Variants in CCL28 observed in about 807,000 individuals in gnomAD.
CCL28 encodes C-C motif chemokine 28.
A neutral mutation model predicts 7.1 loss-of-function variants in CCL28; 4 were observed. The ratio of observed to expected loss-of-function variants is 0.56; its 90% CI spans 0.28 to 1.29. CCL28 has a LOEUF of 1.29. CCL28 is among the 50% of genes most tolerant of loss of function. The probability of loss-of-function intolerance (pLI) is 0.11; values close to 1 mark genes in which losing one functional copy is unlikely to be tolerated. For missense variants in CCL28, 151 were observed against 163.4 expected (o/e 0.92, Z 0.41); for synonymous variants, 55 against 57.8 (o/e 0.95, Z 0.22).
chr5:43,376,458 G>T (rs2111651921), downstream of CCL28, among the ~76,000 whole-genome samples: 1 of 152,306 alleles, frequency 6.6e-6, no homozygotes, highest in South Asian at 2.1e-4. Flanking sequence ...CCAGGATTGT[G>T]AAACCCTGCC....
the CCL28 span, among the ~76,000 whole-genome samples, chr5:43,368,315 G>C: frequency 2.6e-5 from 4 of 152,168 alleles, no homozygotes; most frequent in African/African-American, 9.7e-5. Flanking sequence ...GCTGCTAGTT[G>C]CCCGCAATAT....
chr5:43,394,305 C>A (rs903441873), intron 1 of CCL28, among the ~76,000 whole-genome samples: 1 of 152,170 alleles, frequency 6.6e-6, no homozygotes, highest in African/African-American at 2.4e-5. Context: ...CTTGGCTGTT[C>A]TTGATCCTTT....
the CCL28 span, among the ~76,000 whole-genome samples, chr5:43,368,071 G>A: frequency 3.3e-5 from 5 of 152,108 alleles, no homozygotes; most frequent in Non-Finnish European, 5.9e-5. Context: ...TGGATTCCAG[G>A]CTCCACCACT....
At chr5:43,399,712 C>G (rs1463738423) in intron 1 of CCL28, among the ~76,000 whole-genome samples, 3 of 152,104 alleles carry the variant, frequency 2.0e-5, no homozygotes, top group Non-Finnish European at 2.9e-5. Context: ...TTCATAGGTA[C>G]CATCCCTGCA....
chr5:43,357,103 T>A, the CCL28 span, among the ~76,000 whole-genome samples: 1 of 152,168 alleles, frequency 6.6e-6, no homozygotes. Context: ...GCTGGGGTGT[T>A]TTCATTCTAG....
the CCL28 span, among the ~76,000 whole-genome samples, chr5:43,365,368 T>A: frequency 1.3e-5 from 2 of 152,204 alleles, no homozygotes; most frequent in Non-Finnish European, 2.9e-5. Flanking sequence ...CCATTTACAT[T>A]TAAGGTTAAT....
intron 1 of CCL28, among the ~76,000 whole-genome samples, chr5:43,389,530 T>C (rs1740483696): frequency 6.6e-6 from 1 of 152,182 alleles, no homozygotes; most frequent in Admixed American, 6.5e-5. Flanking sequence ...CCCAAGCAAC[T>C]CTAATAGGAA....
chr5:43,360,383 G>C, the CCL28 span, among the ~76,000 whole-genome samples: 1 of 151,840 alleles, frequency 6.6e-6, no homozygotes, highest in South Asian at 2.1e-4. Context: ...ACTAAGCCTC[G>C]TACCCAATAG....
At chr5:43,370,739 T>G in the CCL28 span, among the ~76,000 whole-genome samples, 1 of 144,152 alleles carries the variant, frequency 6.9e-6, no homozygotes, top group African/African-American at 2.6e-5. Context: ...TCTCTCTTTC[T>G]CTCTCTTTTT....
the CCL28 span, among the ~76,000 whole-genome samples, chr5:43,369,644 G>A: frequency 6.6e-5 from 10 of 151,998 alleles, no homozygotes; most frequent in Non-Finnish European, 1.3e-4. Context: ...GGCTGGTCTC[G>A]AACTCCTGAC....
chr5:43,385,326 G>A (rs978495131), intron 2 of CCL28, among the ~76,000 whole-genome samples: 1 of 152,168 alleles, frequency 6.6e-6, no homozygotes, highest in African/African-American at 2.4e-5. Flanking sequence ...CCATTTATAA[G>A]GTATAAAACA....
At chr5:43,412,227 C>T in intron 1 of CCL28, 26 bp downstream of exon 1, 1 of 1,598,146 alleles carries the variant, frequency 6.3e-7, no homozygotes, top group Non-Finnish European at 8.6e-7. Context: ...CCAGTGAAGG[C>T]CTAAGTGTCC....
At chr5:43,399,903 T>A (rs1325837899) in intron 1 of CCL28, among the ~76,000 whole-genome samples, 1 of 151,522 alleles carries the variant, frequency 6.6e-6, no homozygotes, top group Non-Finnish European at 1.5e-5. Flanking sequence ...TGGAGCGCAA[T>A]GGTGTGATCA....
intron 1 of CCL28, among the ~76,000 whole-genome samples, chr5:43,390,566 C>T (rs1283035836): frequency 1.3e-5 from 2 of 152,182 alleles, no homozygotes. Context: ...ATGCGTTTCC[C>T]AGCTGGCCTG....
intron 2 of CCL28, among the ~76,000 whole-genome samples, chr5:43,383,558 C>T (rs1320285636): frequency 6.6e-6 from 1 of 151,924 alleles, no homozygotes; most frequent in Non-Finnish European, 1.5e-5. Flanking sequence ...AATATATTCC[C>T]TATGTGTATT....
Position 43,399,291 on chromosome 5 carries a change from A to G in CCL28, c.65-10815T>C, listed in dbSNP as rs368674075. On this transcript the variant is annotated intron_variant, in intron 1 of 2. Coordinates refer to ENST00000361115, the MANE Select transcript of CCL28 (RefSeq NM_148672.3). ...CTGTCTCCTCTTTCTCCTTGTTACC[A>G]CTCTTAGTTCAGGACCTTATTAATT... 2.4e-4 allele frequency among the ~76,000 whole-genome samples: 36 copies of G among 151,774 alleles called. No homozygotes were observed. The South Asian group carries it at 4.0e-3, about 17-fold the overall frequency.
At chr5:43,360,661 G>T in the CCL28 span, among the ~76,000 whole-genome samples, 3 of 152,010 alleles carry the variant, frequency 2.0e-5, no homozygotes, top group African/African-American at 7.3e-5. Flanking sequence ...AAAATGATTT[G>T]CATTTTTCTA....
intron 2 of CCL28, 81 bp downstream of exon 2, chr5:43,388,269 A>C (rs936627332): frequency 1.3e-6 from 2 of 1,542,874 alleles, no homozygotes; most frequent in African/African-American, 2.7e-5. Context: ...GTAATCAAGC[A>C]AAGCCTTTCC....
the CCL28 span, among the ~76,000 whole-genome samples, chr5:43,371,516 T>C: frequency 1.7e-4 from 26 of 152,216 alleles, no homozygotes; most frequent in African/African-American, 4.8e-4. Flanking sequence ...CTCTGAGGGA[T>C]TCAGATGCTA....
Sources: allele counts gnomAD v4.1 joint callset (sites outside exome capture counted in the v4.1 genomes callset), GRCh38; gene constraint gnomAD v4.1.1; transcripts MANE v1.5; gene names NCBI Gene and HGNC (gene_info 2026-07-23, HGNC 2026-07-21).